XYLT1: variants seen among roughly 807,000 people sequenced by gnomAD.
The protein encoded by XYLT1 is xylosyltransferase 1, also known as beta-D-xylosyltransferase 1.
A neutral mutation model predicts 91.3 loss-of-function variants in XYLT1; 36 were observed. That is an observed-to-expected ratio of 0.39 (90% CI 0.30 to 0.52). The LOEUF (loss-of-function observed/expected upper bound fraction) is 0.52. Ranked by LOEUF, XYLT1 falls within the 20% of genes least tolerant of loss-of-function variation. The pLI, the probability that XYLT1 is intolerant of heterozygous loss-of-function variation, is 0.68. For missense variants in XYLT1, 1,242 were observed against 1,284.5 expected (o/e 0.97, Z 0.51); for synonymous variants, 588 against 532.0 (o/e 1.11, Z -1.45).
At chr16:17,234,343 C>A (rs1036506981) in intron 3 of XYLT1, among the ~76,000 whole-genome samples, 1 of 152,154 alleles carries the variant, frequency 6.6e-6, no homozygotes, top group Admixed American at 6.5e-5. Context: ...AATCTCTGGG[C>A]CTACCTTTAT....
At chr16:17,439,985 G>A (rs868270750) in intron 1 of XYLT1, among the ~76,000 whole-genome samples, 7 of 152,174 alleles carry the variant, frequency 4.6e-5, no homozygotes, top group East Asian at 1.9e-4. Context: ...AGACTGCAGC[G>A]TATTAGGTGC....
At chr16:17,400,002 G>C (rs1024880347) in intron 1 of XYLT1, among the ~76,000 whole-genome samples, 5 of 152,248 alleles carry the variant, frequency 3.3e-5, no homozygotes, top group African/African-American at 4.8e-5. Flanking sequence ...GATCCAGCCA[G>C]CGGACTTCTT....
chr16:17,387,971 C>T (rs755725436), intron 1 of XYLT1, among the ~76,000 whole-genome samples: 5 of 152,200 alleles, frequency 3.3e-5, no homozygotes, highest in Non-Finnish European at 5.9e-5. Context: ...GTATCTTAGA[C>T]TGATGCTCGT....
chr16:17,266,438 G>A (rs2033806041), intron 2 of XYLT1, among the ~76,000 whole-genome samples: 1 of 152,178 alleles, frequency 6.6e-6, no homozygotes, highest in African/African-American at 2.4e-5. Flanking sequence ...TGATAAAGAA[G>A]ACGCTATATT....
At chr16:17,387,877 CA>C (rs2141889515) in intron 1 of XYLT1, among the ~76,000 whole-genome samples, 1 of 152,310 alleles carries the variant, frequency 6.6e-6, no homozygotes, top group Admixed American at 6.5e-5. Flanking sequence ...GAGGAATACA[CA>C]AGTGCATAAA....
intron 1 of XYLT1, among the ~76,000 whole-genome samples, chr16:17,465,206 T>C (rs893945720): frequency 2.0e-5 from 3 of 150,892 alleles, no homozygotes; most frequent in African/African-American, 7.3e-5. Flanking sequence ...TTTAGGGTTT[T>C]TCAACAAACC....
At chr16:17,115,332 A>AT in intron 11 of XYLT1, among the ~76,000 whole-genome samples, 1 of 149,596 alleles carries the variant, frequency 6.7e-6, no homozygotes, top group African/African-American at 2.5e-5. Flanking sequence ...AAAAAAAAAA[A>AT]AAAAAGCCGG....
chr16:17,176,040 C>CAA (rs10635873), intron 5 of XYLT1, among the ~76,000 whole-genome samples: 12,496 of 148,946 alleles, frequency 0.084, 802 homozygotes, highest in Admixed American at 0.21. Flanking sequence ...ATGGGGAATG[C>CAA]AAAAAAAAAA....
chr16:17,445,535 C>G (rs965860567), intron 1 of XYLT1, among the ~76,000 whole-genome samples: 23 of 152,272 alleles, frequency 1.5e-4, no homozygotes, highest in African/African-American at 5.3e-4. Context: ...TAGAGAGGCC[C>G]CGGGCTCACC....
intron 1 of XYLT1, among the ~76,000 whole-genome samples, chr16:17,449,399 A>G (rs1267193640): frequency 6.6e-6 from 1 of 152,208 alleles, no homozygotes; most frequent in Non-Finnish European, 1.5e-5. Flanking sequence ...AGCTGTGGAC[A>G]CTTCCCCTAT....
chr16:17,289,718 G>T (rs918421212), intron 2 of XYLT1, among the ~76,000 whole-genome samples: 2 of 152,040 alleles, frequency 1.3e-5, no homozygotes, highest in African/African-American at 4.8e-5. Context: ...TCTGTACCTA[G>T]GAAAATTTGA....
intron 2 of XYLT1, among the ~76,000 whole-genome samples, chr16:17,356,836 C>T (rs367555204): frequency 6.6e-6 from 1 of 152,012 alleles, no homozygotes; most frequent in East Asian, 1.9e-4. Context: ...AGATAAGAAA[C>T]GTCCCCTTCA....
intron 1 of XYLT1, 119 bp downstream of exon 1, chr16:17,470,315 G>A: frequency 8.7e-7 from 1 of 1,148,750 alleles, no homozygotes; most frequent in Non-Finnish European, 1.1e-6. Flanking sequence ...AGGCGATGTG[G>A]AGTCGGTAGG....
intron 5 of XYLT1, among the ~76,000 whole-genome samples, chr16:17,174,833 C>T (rs547211051): frequency 2.0e-5 from 3 of 152,136 alleles, no homozygotes; most frequent in South Asian, 4.1e-4. Context: ...TGCACTGGTG[C>T]GATCTCCGCT....
chr16:17,469,999 G>C (rs546822853), intron 1 of XYLT1, among the ~76,000 whole-genome samples: 1 of 152,144 alleles, frequency 6.6e-6, no homozygotes, highest in Non-Finnish European at 1.5e-5. Context: ...TCTGCACCCA[G>C]CTCGGCAAAA....
intron 2 of XYLT1, among the ~76,000 whole-genome samples, chr16:17,345,662 G>C (rs1253628832): frequency 6.6e-6 from 1 of 152,226 alleles, no homozygotes; most frequent in Middle Eastern, 3.2e-3. Flanking sequence ...CTGAGCAAGT[G>C]AAAGAGTTGG....
At chr16:17,380,287 C>CTAAA (rs1283143623) in intron 1 of XYLT1, among the ~76,000 whole-genome samples, 2 of 151,978 alleles carry the variant, frequency 1.3e-5, no homozygotes, top group African/African-American at 2.4e-5. Flanking sequence ...GAATCTGTCT[C>CTAAA]TAAATAAATA....
intron 5 of XYLT1, among the ~76,000 whole-genome samples, chr16:17,185,671 T>A (rs1162234997): frequency 2.0e-5 from 3 of 152,220 alleles, no homozygotes; most frequent in African/African-American, 7.2e-5. Flanking sequence ...TTCTCACTAG[T>A]ACAATCACCT....
At position 17,306,757 on chromosome 16, in the gene XYLT1, C is replaced by T. The variant is rs1469105018; in HGVS notation, c.403-47259G>A. ...ACATGAATCCTTTGGTAAGATTAAA[C>T]ATCCAAATTCCTAGAAATATATCCC... On this transcript the variant is annotated intron_variant, in intron 2 of 11. Transcript: ENST00000261381. Among the ~76,000 whole-genome samples the T allele has an allele frequency of 2.0e-5, 3 of 152,244 alleles. No individual in the cohort carries two copies. The East Asian group carries it at 5.8e-4, about 29-fold the overall frequency.
Sources: gnomAD v4.1 joint callset for allele counts (sites outside exome capture counted in the v4.1 genomes callset) on GRCh38, gnomAD v4.1.1 for gene constraint, MANE v1.5 for transcripts, NCBI Gene and HGNC (gene_info 2026-07-23, HGNC 2026-07-21) for gene names.